CAB39: variants seen among roughly 807,000 people sequenced by gnomAD.
CAB39 encodes the protein calcium binding protein 39, also known as calcium-binding protein 39.
CAB39 carries 8 observed loss-of-function variants against 40.0 expected under a neutral mutation model. That is an observed-to-expected ratio of 0.20 (90% confidence interval 0.12 to 0.36). CAB39 has a LOEUF of 0.36. Among genes scored for constraint, CAB39 ranks in the 10% least tolerant of loss-of-function variants. The pLI, the probability that CAB39 is intolerant of heterozygous loss-of-function variation, is 1.00. For synonymous variants in CAB39, 156 were observed against 141.6 expected (o/e 1.10, Z -0.72); for missense variants, 270 against 401.1 (o/e 0.67, Z 2.79).
intron 1 of CAB39, chr2:230,752,201 C>A (rs1036720742): frequency 7.9e-5 from 12 of 151,508 alleles, no homozygotes; most frequent in African/African-American, 2.7e-4. Context: ...TAAGCATGGC[C>A]CCTGCACAAG....
intron 5 of CAB39, among the ~76,000 whole-genome samples, chr2:230,803,948 G>A (rs984237738): frequency 2.6e-5 from 4 of 152,168 alleles, no homozygotes; most frequent in Admixed American, 2.0e-4. Context: ...CAAGACAATC[G>A]TAAGCACAAA....
chr2:230,724,703 C>CAAA (rs60886023), intron 1 of CAB39, among the ~76,000 whole-genome samples: 1,778 of 54,734 alleles, frequency 0.032, 89 homozygotes, highest in African/African-American at 0.12. Context: ...ACACGCTCAC[C>CAAA]AAAAAAAAAA....
At chr2:230,754,881 CTTATGCCT>C (rs1480142381) in intron 1 of CAB39, among the ~76,000 whole-genome samples, 12 of 152,306 alleles carry the variant, frequency 7.9e-5, no homozygotes, top group African/African-American at 2.6e-4. Flanking sequence ...TTGTATCATT[CTTATGCCT>C]TTGCGTCCTC....
At chr2:230,723,642 C>A (rs958630376) in intron 1 of CAB39, among the ~76,000 whole-genome samples, 5 of 152,156 alleles carry the variant, frequency 3.3e-5, no homozygotes, top group Non-Finnish European at 7.3e-5. Context: ...CCCCTGCCTA[C>A]TGGTTGGGCT....
chr2:230,791,482 G>C (rs531478638), intron 3 of CAB39, among the ~76,000 whole-genome samples: 1 of 152,286 alleles, frequency 6.6e-6, no homozygotes, highest in Non-Finnish European at 1.5e-5. Context: ...ATTACAACCA[G>C]AGACCATATG....
intron 1 of CAB39, among the ~76,000 whole-genome samples, chr2:230,740,365 A>G (rs1435383720): frequency 6.6e-6 from 1 of 152,254 alleles, no homozygotes; most frequent in Non-Finnish European, 1.5e-5. Flanking sequence ...TGTATACTGG[A>G]TAACAGCATT....
chr2:230,809,141 C>T (rs1019902584), intron 5 of CAB39, among the ~76,000 whole-genome samples: 24 of 152,178 alleles, frequency 1.6e-4, no homozygotes, highest in African/African-American at 5.3e-4. Context: ...GAGGCCCTTT[C>T]GGGAAGGGCT....
intron 1 of CAB39, chr2:230,725,377 G>A (rs1694546153): frequency 1.1e-5 from 17 of 1,599,854 alleles, no homozygotes; most frequent in Non-Finnish European, 1.4e-5. Flanking sequence ...CTGCCACGAA[G>A]TCTCGGTGCT....
intron 1 of CAB39, among the ~76,000 whole-genome samples, chr2:230,721,570 A>G (rs995873288): frequency 2.6e-5 from 4 of 152,236 alleles, no homozygotes; most frequent in African/African-American, 9.6e-5. Context: ...ATTGAAGGTT[A>G]TGAGGATCCC....
chr2:230,725,065 G>C (rs189905375), intron 1 of CAB39: 6 of 1,508,480 alleles, frequency 4.0e-6, no homozygotes, highest in Non-Finnish European at 4.6e-6. Context: ...CTTTTCCTTC[G>C]TAGAGGACAG....
chr2:230,733,215 G>C (rs972028373), intron 1 of CAB39, among the ~76,000 whole-genome samples: 19 of 152,018 alleles, frequency 1.2e-4, no homozygotes, highest in African/African-American at 3.4e-4. Flanking sequence ...TATTCATCGT[G>C]CCCCCCTTCA....
intron 2 of CAB39, 76 bp from the exon 3 acceptor site, chr2:230,790,796 C>A: frequency 1.5e-6 from 2 of 1,294,374 alleles, no homozygotes; most frequent in Non-Finnish European, 2.2e-6. Context: ...GGTGATTTGA[C>A]AAATTTTGAC....
At chr2:230,811,368 C>G (rs1318719833) in intron 6 of CAB39, among the ~76,000 whole-genome samples, 1 of 152,114 alleles carries the variant, frequency 6.6e-6, no homozygotes, top group East Asian at 1.9e-4. Flanking sequence ...CAACACTGAG[C>G]ACACAAGTCC....
chr2:230,796,840 A>G (rs1575953556), intron 4 of CAB39, among the ~76,000 whole-genome samples: 1 of 152,298 alleles, frequency 6.6e-6, no homozygotes, highest in South Asian at 2.1e-4. Context: ...AAGGCATCCT[A>G]ATGGCATATG....
Sources: allele counts gnomAD v4.1 joint callset (sites outside exome capture counted in the v4.1 genomes callset), GRCh38; gene constraint gnomAD v4.1.1; transcripts MANE v1.5; gene names NCBI Gene and HGNC (gene_info 2026-07-23, HGNC 2026-07-21).